ZNF83: variants seen among roughly 807,000 people sequenced by gnomAD.
ZNF83 encodes the protein zinc finger protein 83.
For synonymous variants in ZNF83, 209 were observed against 213.0 expected, an observed-to-expected ratio of 0.98 and a Z score of 0.17; for missense variants, 552 against 629.9, an observed-to-expected ratio of 0.88 and a Z score of 1.32.
chr19:52,688,951 A>G (rs74823555), intron 1 of ZNF83, among the ~76,000 whole-genome samples: 1 of 1,506 alleles, frequency 6.6e-4, no homozygotes, highest in Non-Finnish European at 1.8e-3. Context: ...AGGTTGAAGG[A>G]AAAAAAAAAA....
At chr19:52,618,690 C>T in intron 2 of ZNF83, 2 of 681,948 alleles carry the variant, frequency 2.9e-6, no homozygotes, top group Non-Finnish European at 4.5e-6. Context: ...AGTCACCACG[C>T]CTTGCCAGCC....
intron 2 of ZNF83, among the ~76,000 whole-genome samples, chr19:52,659,613 CAAAAA>C (rs67918270): frequency 1.7e-5 from 2 of 114,292 alleles, no homozygotes; most frequent in African/African-American, 3.2e-5. Context: ...GACTCCAACT[CAAAAA>C]AAAAAAAAAG....
At chr19:52,637,698 C>T (rs2061196813) in intron 1 of ZNF83, among the ~76,000 whole-genome samples, 1 of 152,206 alleles carries the variant, frequency 6.6e-6, no homozygotes, top group Non-Finnish European at 1.5e-5. Context: ...AAGACGCCTG[C>T]ATCCCGGAGG....
At chr19:52,670,252 AC>A (rs2061706763) in intron 1 of ZNF83, among the ~76,000 whole-genome samples, 2 of 151,690 alleles carry the variant, frequency 1.3e-5, no homozygotes, top group Non-Finnish European at 2.9e-5. Context: ...CTCATTCTCC[AC>A]CCTCATTCCA....
chr19:52,618,039 A>T (rs900074318), intron 2 of ZNF83: 2 of 152,238 alleles, frequency 1.3e-5, no homozygotes, highest in Non-Finnish European at 2.9e-5. Flanking sequence ...AATCAAAAGC[A>T]CAGGAGTAGC....
At chr19:52,613,337 A>C in exon 3 of ZNF83, 1 of 1,614,126 alleles carries the variant, frequency 6.2e-7, no homozygotes, top group Non-Finnish European at 8.5e-7. Context: ...TTTTGACTGA[A>C]GACTTTGCCA....
chr19:52,664,298 C>A (rs975798830), intron 1 of ZNF83, among the ~76,000 whole-genome samples: 6 of 151,724 alleles, frequency 4.0e-5, no homozygotes, highest in African/African-American at 7.3e-5. Context: ...GAGTTCGAGA[C>A]CAGCCTGGGC....
chr19:52,641,420 T>C (rs1166415421), upstream of ZNF83, among the ~76,000 whole-genome samples: 1 of 152,204 alleles, frequency 6.6e-6, no homozygotes, highest in Non-Finnish European at 1.5e-5. Flanking sequence ...TAAAATTACA[T>C]AGCATGGGTT....
At position 52,618,872 on chromosome 19, in the gene ZNF83, A is replaced by T. The variant is rs1399537516; in HGVS notation, c.-233-4075T>A. On this transcript the variant is annotated intron_variant, in intron 2 of 2. Coordinates refer to ENST00000301096, the Ensembl canonical transcript of ZNF83. Reference sequence around the variant, plus strand: ...AAGCAAGGATGCAACTCCCAAGAGAAACAAGAGAAAATGCAAAGATACACA... The same window carrying T: ...AAGCAAGGATGCAACTCCCAAGAGATACAAGAGAAAATGCAAAGATACACA... 2.0e-6 allele frequency: 3 copies of T among 1,517,704 alleles called. No homozygotes were observed. In the Admixed American group the frequency reaches 6.0e-5, roughly 30 times the overall value. The allele number at this position is 1,517,704 out of a possible 1,614,324, so 94.0% of individuals were successfully genotyped here. A position where few individuals can be genotyped will look rare whatever the true frequency, so the allele number is the denominator to read the frequency against.
intron 2 of ZNF83, among the ~76,000 whole-genome samples, chr19:52,616,183 T>A (rs756323036): frequency 6.6e-6 from 1 of 152,166 alleles, no homozygotes; most frequent in Non-Finnish European, 1.5e-5. Flanking sequence ...TACAAAAACT[T>A]CAATATTCCT....
At chr19:52,683,526 GGAA>G (rs1568585229) in intron 1 of ZNF83, among the ~76,000 whole-genome samples, 1 of 20,304 alleles carries the variant, frequency 4.9e-5, no homozygotes, top group Non-Finnish European at 1.0e-4. Flanking sequence ...GAATCCAAAG[GGAA>G]GGGCAAAGTC....
intron 2 of ZNF83, among the ~76,000 whole-genome samples, chr19:52,630,815 T>TAA: frequency 6.6e-6 from 1 of 152,232 alleles, no homozygotes; most frequent in East Asian, 1.9e-4. Flanking sequence ...ACTCGCCTGT[T>TAA]ACAGCATGGC....
chr19:52,647,118 T>A (rs866640970), intron 3 of ZNF83, among the ~76,000 whole-genome samples: 7 of 152,158 alleles, frequency 4.6e-5, no homozygotes, highest in African/African-American at 1.7e-4. Flanking sequence ...CAGAAAGTGG[T>A]TTTTTTCCCA....
At position 52,614,744 on chromosome 19, in the gene ZNF83, T is replaced by C; in HGVS notation, c.-180A>G. 1 of 1,304,998 alleles carries C rather than the reference T, an allele frequency of 7.7e-7. No individual in the cohort carries two copies. Among genetic ancestry groups the C allele is most frequent in the Non-Finnish European group, 9.8e-7 (1 of 1,019,920 alleles). 80.8% of individuals were successfully genotyped at this position (1,304,998 alleles called of 1,614,324 possible). On this transcript the variant is annotated 5_prime_UTR_variant, in exon 3 of 3. It adds an upstream start codon to the 5' untranslated region. Coordinates refer to ENST00000301096, the Ensembl canonical transcript of ZNF83. ...ATTACTGTCTGGAATATTTCTCCTG[T>C]ATTACTCTCCTTTTTTGGTGGTAAT...
intron 3 of ZNF83, chr19:52,655,285 G>C (rs2061490930): frequency 3.0e-6 from 1 of 328,596 alleles, no homozygotes; most frequent in Non-Finnish European, 5.5e-6. Context: ...TGACAATTCT[G>C]CTCAGGGCTA....
exon 3 of ZNF83, chr19:52,613,575 T>G: frequency 1.2e-6 from 2 of 1,613,768 alleles, no homozygotes; most frequent in Non-Finnish European, 1.7e-6. Flanking sequence ...TTACTAGGGA[T>G]GACTTGTGAC....
At position 52,614,627 on chromosome 19, in the gene ZNF83, C is replaced by A. The variant is rs1386301117; in HGVS notation, c.-63G>T. On this transcript the variant is annotated 5_prime_UTR_variant, in exon 3 of 3. An upstream start codon of the reference 5' UTR is lost. Coordinates refer to ENST00000301096, the Ensembl canonical transcript of ZNF83. ...CGCACTCGCTTATAATGTCTTCAATCATGTTTCCACAGACACTGAGAGTCA... is the reference window on the plus strand; with the variant it reads ...CGCACTCGCTTATAATGTCTTCAATAATGTTTCCACAGACACTGAGAGTCA... 1 of 1,464,546 alleles carries A rather than the reference C, an allele frequency of 6.8e-7. No individual in the cohort carries two copies. The highest frequency in any genetic ancestry group is 1.4e-5 in the African/African-American group (1 of 70,802). The allele number at this position is 1,464,546 out of a possible 1,614,324, so 90.7% of individuals were successfully genotyped here.
chr19:52,645,788 C>A lies in ZNF83; in HGVS notation c.-74+9773G>T, dbSNP rs1183316902. On this transcript the variant is annotated intron_variant, in intron 3 of 5. Coordinates refer to the ZNF83 transcript ENST00000594682. Reference sequence around the variant, plus strand: ...TGCCACTGCACTCCAGTGTGGGTGACTGAGTGAGATTCTGCCCCCCCCCAA... The same window carrying A: ...TGCCACTGCACTCCAGTGTGGGTGAATGAGTGAGATTCTGCCCCCCCCCAA... 4.1e-5 allele frequency among the ~76,000 whole-genome samples: 6 copies of A among 144,896 alleles called. No individual in the cohort carries two copies. The South Asian group carries it at 1.3e-3, about 33-fold the overall frequency.
At chr19:52,646,198 C>G (rs769218459) in intron 3 of ZNF83, among the ~76,000 whole-genome samples, 1 of 152,104 alleles carries the variant, frequency 6.6e-6, no homozygotes, top group Admixed American at 6.6e-5. Flanking sequence ...TCTCAGGTTC[C>G]CAAAGTGCTG....
Sources: gnomAD v4.1 joint callset for allele counts (sites outside exome capture counted in the v4.1 genomes callset) on GRCh38, gnomAD v4.1.1 for gene constraint, MANE v1.5 for transcripts, NCBI Gene and HGNC (gene_info 2026-07-23, HGNC 2026-07-21) for gene names.